NXN: variants seen among roughly 807,000 people sequenced by gnomAD.
NXN encodes the protein nucleoredoxin.
A neutral mutation model predicts 48.6 loss-of-function variants in NXN; 16 were observed. The observed-to-expected ratio is 0.33, with a 90% CI of 0.22 to 0.50. The LOEUF (loss-of-function observed/expected upper bound fraction) is 0.50, where lower values mean the gene tolerates loss of function less well. NXN is among the 20% of genes least tolerant of loss of function. The probability of loss-of-function intolerance (pLI) is 0.98; values close to 1 mark genes in which losing one functional copy is unlikely to be tolerated. For missense variants in NXN, 492 were observed against 605.5 expected (o/e 0.81, Z 1.97); for synonymous variants, 281 against 269.6 (o/e 1.04, Z -0.41).
At chr17:811,336 G>A (rs1213124179) in intron 5 of NXN, among the ~76,000 whole-genome samples, 2 of 152,358 alleles carry the variant, frequency 1.3e-5, no homozygotes, top group East Asian at 1.9e-4. Context: ...GAGAGAAGGG[G>A]CTGTAAACCT....
At chr17:896,206 G>GGT (rs1162613746) in intron 1 of NXN, among the ~76,000 whole-genome samples, 1 of 151,996 alleles carries the variant, frequency 6.6e-6, no homozygotes, top group Non-Finnish European at 1.5e-5. Flanking sequence ...CGGGCGTGGT[G>GGT]GCGCATGCCT....
intron 5 of NXN, among the ~76,000 whole-genome samples, chr17:813,581 G>A (rs1912291638): frequency 6.6e-6 from 1 of 152,248 alleles, no homozygotes. Context: ...ATTAAGTTTA[G>A]AAGTATGAAT....
At chr17:822,587 G>A (rs1912876589) in intron 3 of NXN, 130 bp from the exon 4 acceptor site, 1 of 646,780 alleles carries the variant, frequency 1.5e-6, no homozygotes, top group Non-Finnish European at 2.8e-6. Context: ...TGAAAGGGGT[G>A]GAAATGAGAT....
chr17:811,438 T>A lies in NXN; in HGVS notation c.821-6191A>T, dbSNP rs368667686. ...CTTCTGCCAGGTGTGTTGACAACGG[T>A]CTCCTTAGAAAAAGAATTTTCAGCA... On this transcript the variant is annotated intron_variant, in intron 5 of 7. Coordinates refer to ENST00000336868, the MANE Select transcript of NXN (RefSeq NM_022463.5). Among the ~76,000 whole-genome samples, 23 of 151,024 alleles carry A rather than the reference T, an allele frequency of 1.5e-4. No individual in the cohort carries two copies. The East Asian group carries it at 3.5e-3, about 23-fold the overall frequency.
intron 1 of NXN, among the ~76,000 whole-genome samples, chr17:954,883 G>A (rs1466507417): frequency 3.3e-5 from 5 of 152,206 alleles, no homozygotes; most frequent in Admixed American, 6.5e-5. Flanking sequence ...ATATTTCAGC[G>A]CTGGTATTCC....
At chr17:870,913 C>T (rs2068145349) in intron 1 of NXN, among the ~76,000 whole-genome samples, 1 of 152,008 alleles carries the variant, frequency 6.6e-6, no homozygotes, top group Non-Finnish European at 1.5e-5. Context: ...GGCTGGAGTG[C>T]AGTGGTGCGA....
chr17:966,161 C>T lies in NXN; in HGVS notation c.360+13158G>A, dbSNP rs568504420. Reference sequence around the variant, plus strand: ...GAAAAGTGAATGCAATGAGATCTCGCGACATGGTAACAGAAGTCTACATAA... The same window carrying T: ...GAAAAGTGAATGCAATGAGATCTCGTGACATGGTAACAGAAGTCTACATAA... On this transcript the variant is annotated intron_variant, in intron 1 of 7. Transcript: ENST00000336868. Among the ~76,000 whole-genome samples the T allele has an allele frequency of 5.9e-5, 9 of 151,842 alleles. No individual in the cohort carries two copies. The South Asian group carries it at 6.3e-4, about 11-fold the overall frequency.
rs1330155894 is a variant in NXN, at chr17:877,148, C to T, written c.361-51070G>A. ...TACTAAACAACTATGGGAACAGCGA[C>T]GGTGTTGTTTTTTTTTGGAGACGGA... On this transcript the variant is annotated intron_variant, in intron 1 of 7. Coordinates refer to ENST00000336868, the MANE Select transcript of NXN (RefSeq NM_022463.5). Among the ~76,000 whole-genome samples, 9 of 151,558 alleles carry T rather than the reference C, an allele frequency of 5.9e-5. No individual in the cohort carries two copies. The East Asian group carries it at 1.2e-3, about 20-fold the overall frequency.
At chr17:867,465 C>G (rs370182418) in intron 1 of NXN, among the ~76,000 whole-genome samples, 1 of 152,244 alleles carries the variant, frequency 6.6e-6, no homozygotes, top group East Asian at 1.9e-4. Context: ...GCCCAGCTAC[C>G]AACATATGCT....
chr17:881,325 G>A lies in NXN; in HGVS notation c.361-55247C>T, dbSNP rs369842549. 3.1e-4 allele frequency among the ~76,000 whole-genome samples: 47 copies of A among 152,244 alleles called. No homozygotes were observed. The East Asian group carries it at 7.1e-3, about 23-fold the overall frequency. ...TGCAGTGGTGCGATCTCAGCTCGCC[G>A]CAGCACCCCAGACTCAAGTGATCCT... On this transcript the variant is annotated intron_variant, in intron 1 of 7. Transcript: ENST00000336868.
chr17:896,856 C>CGGGGGGGGGGGGGGGGGGGGGGGGG, intron 1 of NXN: 2 of 1,156,932 alleles, frequency 1.7e-6, no homozygotes, highest in Non-Finnish European at 2.2e-6. Context: ...CGGTCCTGAC[C>CGGGGGGGGGGGGGGGGGGGGGGGGG]ACCCGCCCCC....
chr17:960,712 G>A (rs1268550355), intron 1 of NXN, among the ~76,000 whole-genome samples: 5 of 151,712 alleles, frequency 3.3e-5, no homozygotes, highest in African/African-American at 7.3e-5. Context: ...TCCTGGGCTC[G>A]AGTGATCCTC....
rs1567828205 is a variant in NXN at position 841,667 on chromosome 17, GAGCAGGTCCACCCTGACCATGGCA to G, written c.361-15613_361-15590del. 1.7e-3 allele frequency among the ~76,000 whole-genome samples: 229 copies of G among 133,768 alleles called. 13 individuals carry two copies. Among genetic ancestry groups the G allele is most frequent in the Non-Finnish European group, 2.4e-3 (148 of 62,754 alleles). 87.8% of individuals were successfully genotyped at this position (133,768 alleles called of 152,430 possible). A position where few individuals can be genotyped will look rare whatever the true frequency, so the allele number is the denominator to read the frequency against. On this transcript the variant is annotated intron_variant, in intron 1 of 7. Transcript: ENST00000336868. ...TGACCACAGCGCATCTCACGCCGGC[GAGCAGGTCCACCCTGACCATGGCA>G]CATCTCACGCCGGTGAGCAGGTCCA...
In NXN at chr17:959,000, A is replaced by C; in HGVS notation, c.360+20319T>G. ...TACGAGTTCTTTCATCTTGCAAGAA[A>C]GAATCATGCGGATGTGCGCGGAGCC... On this transcript the variant is annotated intron_variant, in intron 1 of 7. Transcript: ENST00000336868. This position sits in a 1 kb window ranked among gnomAD's most constrained non-coding sequence, Gnocchi z 6.9. 1 of 219,604 alleles carries C rather than the reference A, an allele frequency of 4.6e-6. No individual in the cohort carries two copies. The allele number at this position is 219,604 out of a possible 1,614,324, so 13.6% of individuals were successfully genotyped here. A position where few individuals can be genotyped will look rare whatever the true frequency, so the allele number is the denominator to read the frequency against.
At chr17:923,154 G>A (rs2068765314) in intron 1 of NXN, among the ~76,000 whole-genome samples, 1 of 152,092 alleles carries the variant, frequency 6.6e-6, no homozygotes, top group African/African-American at 2.4e-5. Flanking sequence ...CCACCACCTG[G>A]ACGGCGCGGT....
chr17:805,711 G>A (rs892037223), intron 5 of NXN, among the ~76,000 whole-genome samples: 10 of 152,238 alleles, frequency 6.6e-5, no homozygotes, highest in South Asian at 2.1e-4. Context: ...GGTGGCGGGC[G>A]CCTGTAGTCC....
rs949521640 is a variant in NXN, at chr17:822,435, G to T, written c.635C>A (p.Thr212Asn). Residue 212 changes from threonine to asparagine, a missense_variant, in exon 4 of 8, where the codon ACC (threonine) becomes AAC (asparagine). Around this residue, in one of 3 missense-constraint regions of NXN, gnomAD observed 303 missense variants for 388.3 expected, o/e 0.78. Transcript: ENST00000336868. ...CCGGTAGGATTCCACCAGGACCCGG[G>T]TGAGGCTTCGGCAGGGCGGACACTG... ...AHWCPPCRSLTRVLVESYRKI... is the reference protein window; with the variant it reads ...AHWCPPCRSLNRVLVESYRKI... The T allele has an allele frequency of 6.2e-7, 1 of 1,614,078 alleles. No individual in the cohort carries two copies. The highest frequency in any genetic ancestry group is 1.3e-5 in the African/African-American group (1 of 75,026).
chr17:878,934 G>A (rs943378029), intron 1 of NXN, among the ~76,000 whole-genome samples: 1 of 152,170 alleles, frequency 6.6e-6, no homozygotes, highest in African/African-American at 2.4e-5. Context: ...GGAGGCTGAG[G>A]TGGGTGGATC....
chr17:915,878 G>GGCGGCCACTTATGGTGTCAGAGCTGA (rs1172944458), intron 1 of NXN, among the ~76,000 whole-genome samples: 1 of 105,992 alleles, frequency 9.4e-6, no homozygotes. Context: ...GTCAGAGCTG[G>GGCGGCCACTTATGGTGTCAGAGCTGA]AACTTCCAGC....
Sources: gnomAD v4.1 joint callset for allele counts (sites outside exome capture counted in the v4.1 genomes callset) on GRCh38, gnomAD v4.1.1 for gene constraint, gnomAD v4.1.1 regional missense constraint, Gnocchi (gnomAD v3.1) non-coding constraint, MANE v1.5 for transcripts, NCBI Gene and HGNC (gene_info 2026-07-23, HGNC 2026-07-21) for gene names.